PCDHGB5: variants seen among roughly 807,000 people sequenced by gnomAD.
The protein encoded by PCDHGB5 is protocadherin gamma-B5.
A neutral mutation model predicts 62.9 loss-of-function variants in PCDHGB5; 48 were observed. That is an observed-to-expected ratio of 0.76 (90% CI 0.61 to 0.97). PCDHGB5 has a LOEUF of 0.97. Ranked by LOEUF, PCDHGB5 falls within the 50% of genes least tolerant of loss-of-function variation. PCDHGB5 has a pLI of 0.00. For missense variants in PCDHGB5, 1,118 were observed against 1,198.6 expected (o/e 0.93, Z 0.99); for synonymous variants, 474 against 511.2 (o/e 0.93, Z 0.98).
intron 1 of PCDHGB5, chr5:141,408,865 A>G (rs765751172): frequency 6.2e-7 from 1 of 1,613,684 alleles, no homozygotes. Context: ...GGGACCCACC[A>G]AGAAGTGCCA....
At chr5:141,416,717 A>G (rs1227713508) in intron 1 of PCDHGB5, 1 of 152,256 alleles carries the variant, frequency 6.6e-6, no homozygotes, top group Admixed American at 6.5e-5. Flanking sequence ...GGTACTGATG[A>G]GTTCATTTAG....
At chr5:141,506,865 G>T (rs1403350484) in intron 3 of PCDHGB5, among the ~76,000 whole-genome samples, 1 of 152,186 alleles carries the variant, frequency 6.6e-6, no homozygotes, top group African/African-American at 2.4e-5. Flanking sequence ...GGACTGGTGG[G>T]TAGAGAACCA....
At chr5:141,418,874 G>A (rs2096295785) in intron 1 of PCDHGB5, 1 of 1,614,024 alleles carries the variant, frequency 6.2e-7, no homozygotes, top group East Asian at 2.2e-5. Context: ...AGAAGTTGTA[G>A]ACGAAAACGA....
chr5:141,456,157 A>G (rs1307977690), intron 1 of PCDHGB5, among the ~76,000 whole-genome samples: 3 of 152,052 alleles, frequency 2.0e-5, no homozygotes, highest in Admixed American at 1.3e-4. Context: ...TCGGCCTCCT[A>G]AAGTGCTGGG....
At chr5:141,466,201 T>C (rs985163022) in intron 1 of PCDHGB5, among the ~76,000 whole-genome samples, 1 of 152,006 alleles carries the variant, frequency 6.6e-6, no homozygotes, top group African/African-American at 2.4e-5. Context: ...GACACAGCCT[T>C]GCTCTGTTAC....
rs1040028231 is a variant in PCDHGB5, at chr5:141,485,542, C to T, written c.2398-9265C>T. 6.8e-6 allele frequency: 11 copies of T among 1,613,900 alleles called. No individual in the cohort carries two copies. Among genetic ancestry groups the T allele is most frequent in the Admixed American group, 6.7e-5 (4 of 59,996 alleles). On this transcript the variant is annotated intron_variant, in intron 1 of 3. Coordinates refer to ENST00000617380, the MANE Select transcript of PCDHGB5 (RefSeq NM_018925.3). The surrounding 1 kb of genome is among the most constrained non-coding windows in gnomAD (Gnocchi z 5.7). ...AAATGTACCGAGCAGAGGTAGAGAT[C>T]GTAGATGTGAATGATCACGCCCCCC...
chr5:141,425,714 A>G (rs1259037833), intron 1 of PCDHGB5, among the ~76,000 whole-genome samples: 1 of 152,218 alleles, frequency 6.6e-6, no homozygotes, highest in African/African-American at 2.4e-5. Context: ...AAATTTTCCC[A>G]TACCACTTGA....
Position 141,409,599 on chromosome 5 carries a change from C to A in PCDHGB5, c.2397+9075C>A, listed in dbSNP as rs753753955. The A allele has an allele frequency of 9.9e-6, 16 of 1,613,822 alleles. No individual in the cohort carries two copies. The Admixed American group carries it at 2.2e-4, about 22-fold the overall frequency. ...GTGGTCCACGTGGCCGAGAACAACC[C>A]GCCAGGAGCCTCCATTGCGCAAGTG... On this transcript the variant is annotated intron_variant, in intron 1 of 3. Transcript: ENST00000617380.
chr5:141,417,862 G>C, intron 1 of PCDHGB5: 1 of 1,550,466 alleles, frequency 6.4e-7, no homozygotes, highest in Non-Finnish European at 8.7e-7. Flanking sequence ...AGCGAACGAT[G>C]GGAGGGAGCT....
intron 2 of PCDHGB5, among the ~76,000 whole-genome samples, chr5:141,497,893 C>T (rs1194262199): frequency 6.6e-6 from 1 of 152,132 alleles, no homozygotes; most frequent in Non-Finnish European, 1.5e-5. Flanking sequence ...GGATCTAGTC[C>T]AGTAACTTCA....
rs146719320 is a variant in PCDHGB5, at chr5:141,444,557, A to T, written c.2397+44033A>T. ...TGTGTCTAGTGAGCAAAAGGCACTTATTTGACACTTTTGACTCTTCCTTTC... is the reference window on the plus strand; with the variant it reads ...TGTGTCTAGTGAGCAAAAGGCACTTTTTTGACACTTTTGACTCTTCCTTTC... On this transcript the variant is annotated intron_variant, in intron 1 of 3. Transcript: ENST00000617380. Among the ~76,000 whole-genome samples, 1,352 of 152,248 alleles carry T rather than the reference A, an allele frequency of 8.9e-3. 18 individuals carry two copies. The highest frequency in any genetic ancestry group is 0.031 in the African/African-American group (1,277 of 41,558).
At chr5:141,463,796 G>T (rs139760353) in intron 1 of PCDHGB5, among the ~76,000 whole-genome samples, 3 of 152,114 alleles carry the variant, frequency 2.0e-5, no homozygotes, top group Non-Finnish European at 2.9e-5. Flanking sequence ...TTGAACAAAT[G>T]TCTAAAAGCT....
intron 1 of PCDHGB5, among the ~76,000 whole-genome samples, chr5:141,465,091 G>A (rs1689517062): frequency 6.7e-6 from 1 of 149,016 alleles, no homozygotes; most frequent in Non-Finnish European, 1.5e-5. Context: ...CATTTTTCTA[G>A]TAGTTTTTTT....
intron 1 of PCDHGB5, among the ~76,000 whole-genome samples, chr5:141,453,999 A>C (rs1561953352): frequency 6.6e-6 from 1 of 152,258 alleles, no homozygotes; most frequent in South Asian, 2.1e-4. Flanking sequence ...ATAAACCCAC[A>C]TAACATTTTA....
rs753030509 is a variant in PCDHGB5, at chr5:141,431,672, G to A, written c.2397+31148G>A. On this transcript the variant is annotated intron_variant, in intron 1 of 3. Transcript: ENST00000617380. The surrounding 1 kb of genome is among the most constrained non-coding windows in gnomAD (Gnocchi z 4.8). ...TAATTCAGGGACAATATCAACAATA[G>A]GGGAGTTGGACCACGAGGAGTCAGG... The A allele has an allele frequency of 9.3e-6, 15 of 1,614,110 alleles. No homozygotes were observed. Among genetic ancestry groups the A allele is most frequent in the African/African-American group, 4.0e-5 (3 of 74,948 alleles).
chr5:141,404,752 G>C, intron 1 of PCDHGB5: 1 of 1,614,010 alleles, frequency 6.2e-7, no homozygotes, highest in Non-Finnish European at 8.5e-7. Flanking sequence ...ACTCAGGCCA[G>C]AATGCTTGGC....
chr5:141,485,745 T>C lies in PCDHGB5; in HGVS notation c.2398-9062T>C. 3 of 1,614,146 alleles carry C rather than the reference T, an allele frequency of 1.9e-6. No individual in the cohort carries two copies. Among genetic ancestry groups the C allele is most frequent in the Non-Finnish European group, 2.5e-6 (3 of 1,179,986 alleles). ...AAGAAGCGCAGCGACGGCAGCCTGGTCCCAGAGCTGCTCCTGGAGAAGCCT... is the reference window on the plus strand; with the variant it reads ...AAGAAGCGCAGCGACGGCAGCCTGGCCCCAGAGCTGCTCCTGGAGAAGCCT... On this transcript the variant is annotated intron_variant, in intron 1 of 3. Transcript: ENST00000617380. This position sits in a 1 kb window ranked among gnomAD's most constrained non-coding sequence, Gnocchi z 5.7.
rs1163950013 is a variant in PCDHGB5 at position 141,512,955 on chromosome 5, A to G, written c.*1782A>G. 2 of 152,234 alleles carry G rather than the reference A, an allele frequency of 1.3e-5. No homozygotes were observed. The highest frequency in any genetic ancestry group is 2.9e-5 in the Non-Finnish European group (2 of 68,046). The allele number at this position is 152,234 out of a possible 1,614,324, so 9.4% of individuals were successfully genotyped here. ...GCTTTTTTTCTTCGACAAAAAAATA[A>G]TAAAACGTTTCTTCTGAAAAGCTGA... On this transcript the variant is annotated 3_prime_UTR_variant, in exon 4 of 4. Coordinates refer to ENST00000617380, the MANE Select transcript of PCDHGB5 (RefSeq NM_018925.3).
At chr5:141,415,266 G>T in intron 1 of PCDHGB5, 1 of 1,614,218 alleles carries the variant, frequency 6.2e-7, no homozygotes, top group Non-Finnish European at 8.5e-7. Flanking sequence ...CTCTGTACCT[G>T]GTGGTAGCGG....
Sources: gnomAD v4.1 joint callset for allele counts (sites outside exome capture counted in the v4.1 genomes callset) on GRCh38, gnomAD v4.1.1 for gene constraint, Gnocchi (gnomAD v3.1) non-coding constraint, MANE v1.5 for transcripts, NCBI Gene and HGNC (gene_info 2026-07-23, HGNC 2026-07-21) for gene names.